CRTC3: variants seen among roughly 807,000 people sequenced by gnomAD.
CRTC3 encodes the protein CREB regulated transcription coactivator 3.
Under a neutral mutation model 74.5 loss-of-function variants are expected in CRTC3, and 26 were observed. That is an observed-to-expected ratio of 0.35 (90% CI 0.26 to 0.48). The LOEUF (loss-of-function observed/expected upper bound fraction) is 0.48, where lower values mean the gene tolerates loss of function less well. Among genes scored for constraint, CRTC3 ranks in the 20% least tolerant of loss-of-function variants. The pLI is 0.99. For synonymous variants in CRTC3, 377 were observed against 325.8 expected (o/e 1.16, Z -1.69); for missense variants, 760 against 787.3 (o/e 0.97, Z 0.41).
intron 5 of CRTC3, among the ~76,000 whole-genome samples, chr15:90,605,423 C>T (rs1184332644): frequency 6.6e-6 from 1 of 152,124 alleles, no homozygotes; most frequent in Non-Finnish European, 1.5e-5. Flanking sequence ...TAGTATTGTA[C>T]CTTGAAATGT....
chr15:90,575,384 CT>C (rs951436208), intron 2 of CRTC3, among the ~76,000 whole-genome samples: 1 of 152,124 alleles, frequency 6.6e-6, no homozygotes, highest in African/African-American at 2.4e-5. Context: ...TTTTTGGTTG[CT>C]CCCAGGTTTT....
At chr15:90,555,506 TTTTTTC>T (rs1220463826) in intron 2 of CRTC3, among the ~76,000 whole-genome samples, 3 of 152,156 alleles carry the variant, frequency 2.0e-5, no homozygotes, top group Admixed American at 6.5e-5. Flanking sequence ...GTTCTTTTTC[TTTTTTC>T]TTTTTCTTTT....
In CRTC3 at chr15:90,645,138, CACAGATGGTT is replaced by C; in HGVS notation, c.*2999_*3008del. On this transcript the variant is annotated 3_prime_UTR_variant, in exon 15 of 15. Transcript: ENST00000268184. ...CTCTTGTTGGCTCTTCTGATTTATG[CACAGATGGTT>C]CCCAGCATGTGTCCAGTGCTTCATG... 1 of 229,660 alleles carries C rather than the reference CACAGATGGTT, an allele frequency of 4.4e-6. No individual in the cohort carries two copies. The highest frequency in any genetic ancestry group is 8.6e-6 in the Non-Finnish European group (1 of 115,618). The allele number at this position is 229,660 out of a possible 1,614,324, so 14.2% of individuals were successfully genotyped here. A position where few individuals can be genotyped will look rare whatever the true frequency, so the allele number is the denominator to read the frequency against.
chr15:90,602,327 G>C lies in CRTC3; in HGVS notation c.355G>C (p.Asp119His). Residue 119 changes from aspartate to histidine, a missense_variant, in exon 4 of 15, where the codon GAT becomes CAT. Physicochemically the swap from Asp to His is moderately conservative, Grantham distance 81. Transcript: ENST00000268184. The stretch of plus-strand genomic sequence containing the variant: ...TTTCCTTTATTAAAAATTCTACTTT[G>C]ATGGTAGTGCTTTTGGAGCCAATTA... ...RSGDKPGRQF[D>H]GSAFGANYSS... The C allele has an allele frequency of 6.3e-7, 1 of 1,574,878 alleles. No homozygotes were observed. The highest frequency in any genetic ancestry group is 1.7e-4 in the Middle Eastern group (1 of 5,980).
intron 11 of CRTC3, among the ~76,000 whole-genome samples, chr15:90,636,289 A>G (rs1227090033): frequency 2.0e-5 from 3 of 151,614 alleles, no homozygotes. Context: ...CAAACCTGAC[A>G]AAAACAAGAA....
intron 2 of CRTC3, among the ~76,000 whole-genome samples, chr15:90,576,181 A>G (rs1282871818): frequency 6.6e-6 from 1 of 152,128 alleles, no homozygotes; most frequent in Non-Finnish European, 1.5e-5. Flanking sequence ...AGGTGGGAGG[A>G]CCACTTGAGC....
Position 90,557,519 on chromosome 15 carries a change from C to G in CRTC3, c.231+17382C>G, listed in dbSNP as rs183373583. Among the ~76,000 whole-genome samples the G allele has an allele frequency of 7.9e-5, 12 of 152,298 alleles. 1 individual carries two copies. Among genetic ancestry groups the G allele is most frequent in the African/African-American group, 2.9e-4 (12 of 41,558 alleles). ...GTCTCAGACACGTACAAATGGTGCCCCTCTTTGAGGGGCTCGTACATCTGC... is the reference window on the plus strand; with the variant it reads ...GTCTCAGACACGTACAAATGGTGCCGCTCTTTGAGGGGCTCGTACATCTGC... On this transcript the variant is annotated intron_variant, in intron 2 of 14. Coordinates refer to ENST00000268184, the MANE Select transcript of CRTC3 (RefSeq NM_022769.5).
At chr15:90,612,141 G>A (rs994166965) in intron 6 of CRTC3, among the ~76,000 whole-genome samples, 5 of 147,184 alleles carry the variant, frequency 3.4e-5, no homozygotes, top group Non-Finnish European at 7.5e-5. Flanking sequence ...CTTCGCTTCC[G>A]GTTGTCTAAA....
At chr15:90,575,563 T>A (rs974848343) in intron 2 of CRTC3, among the ~76,000 whole-genome samples, 20 of 152,366 alleles carry the variant, frequency 1.3e-4, no homozygotes, top group African/African-American at 4.6e-4. Flanking sequence ...CAACACTATT[T>A]ATGAATAATC....
intron 11 of CRTC3, among the ~76,000 whole-genome samples, chr15:90,635,995 A>C (rs976518600): frequency 3.3e-5 from 5 of 152,312 alleles, no homozygotes; most frequent in African/African-American, 1.2e-4. Flanking sequence ...GGTAATTTAT[A>C]GATTCAATGC....
intron 2 of CRTC3, among the ~76,000 whole-genome samples, chr15:90,570,038 A>G (rs1567169216): frequency 6.6e-6 from 1 of 152,236 alleles, no homozygotes; most frequent in Admixed American, 6.5e-5. Context: ...ACATGAAAAA[A>G]TATATTACTA....
In CRTC3 at chr15:90,557,157, A is replaced by G. The variant is rs547199051; in HGVS notation, c.231+17020A>G. On this transcript the variant is annotated intron_variant, in intron 2 of 14. Transcript: ENST00000268184. ...AGAAAATGTGTAGAAAACAATTTTA[A>G]TCAGTGTCTGGGAGTCTGAGAACAA... Among the ~76,000 whole-genome samples, 7 of 152,242 alleles carry G rather than the reference A, an allele frequency of 4.6e-5. 1 individual carries two copies. In the South Asian group the frequency reaches 8.3e-4, roughly 18 times the overall value.
intron 11 of CRTC3, chr15:90,634,598 G>A (rs796473541): frequency 3.2e-5 from 14 of 439,746 alleles, no homozygotes; most frequent in African/African-American, 1.2e-4. Context: ...TGACTTTCAC[G>A]GCAGATGGTT....
intron 2 of CRTC3, among the ~76,000 whole-genome samples, chr15:90,592,673 A>G (rs147049448): frequency 1.3e-5 from 2 of 152,300 alleles, no homozygotes; most frequent in Non-Finnish European, 2.9e-5. Context: ...TTCCACTTGT[A>G]TTTACATAGC....
intron 6 of CRTC3, among the ~76,000 whole-genome samples, chr15:90,609,233 C>A (rs1968301729): frequency 6.6e-6 from 1 of 152,206 alleles, no homozygotes; most frequent in East Asian, 1.9e-4. Flanking sequence ...GGACATCTAC[C>A]CATGCTTCCA....
chr15:90,603,313 G>C (rs1257412006), intron 4 of CRTC3, among the ~76,000 whole-genome samples: 8 of 149,306 alleles, frequency 5.4e-5, no homozygotes, highest in South Asian at 2.2e-4. Flanking sequence ...CGTGGTGGCA[G>C]GCGCCTGTAG....
At chr15:90,540,162 G>C (rs748252016) in intron 2 of CRTC3, 25 bp downstream of exon 2, 15 of 1,433,972 alleles carry the variant, frequency 1.0e-5, no homozygotes, top group Non-Finnish European at 1.5e-5. Context: ...GTACTTTCTT[G>C]AAGCTGAATG....
chr15:90,539,879 A>G, intron 1 of CRTC3, 160 bp from the exon 2 acceptor site: 2 of 627,238 alleles, frequency 3.2e-6, no homozygotes, highest in Non-Finnish European at 5.6e-6. Flanking sequence ...ATCAAAACCC[A>G]GAAAGCACCG....
At chr15:90,587,885 A>G (rs1967703305) in intron 2 of CRTC3, among the ~76,000 whole-genome samples, 1 of 151,618 alleles carries the variant, frequency 6.6e-6, no homozygotes, top group Admixed American at 6.6e-5. Context: ...AAGTGCTGGG[A>G]TTACAGGCCT....
Sources: gnomAD v4.1 joint callset for allele counts (sites outside exome capture counted in the v4.1 genomes callset) on GRCh38, gnomAD v4.1.1 for gene constraint, MANE v1.5 for transcripts, NCBI Gene and HGNC (gene_info 2026-07-23, HGNC 2026-07-21) for gene names.